HAUS6: variants seen among roughly 807,000 people sequenced by gnomAD.
HAUS6 encodes HAUS augmin like complex subunit 6, also known as HAUS augmin-like complex subunit 6.
HAUS6 carries 80 observed loss-of-function variants against 106.8 expected under a neutral mutation model. That is an observed-to-expected ratio of 0.75 (90% confidence interval 0.63 to 0.90). The LOEUF is 0.90. HAUS6 is among the 40% of genes least tolerant of loss of function. The pLI, the probability that HAUS6 is intolerant of heterozygous loss-of-function variation, is 0.00. For synonymous variants in HAUS6, 356 were observed against 379.1 expected (o/e 0.94, Z 0.71); for missense variants, 1,155 against 1,118.1 (o/e 1.03, Z -0.47).
intron 1 of HAUS6, among the ~76,000 whole-genome samples, chr9:19,101,576 G>T (rs556167080): frequency 6.7e-6 from 1 of 148,888 alleles, no homozygotes; most frequent in East Asian, 2.0e-4. Flanking sequence ...CAGGAATTTT[G>T]AGACCAGCCT....
Position 19,096,710 on chromosome 9 carries a change from TG to T in HAUS6, c.187del (p.Gln63LysfsTer35). ...AFHIISYFLF[Q>X]VLDQSLTKEV... ...TTTGGTGAGAGACTGGTCCAGAACT[TG>T]AAACAAAAAATAAGAAATTATATGA... On this transcript the variant is annotated frameshift_variant, in exon 2 of 17. Transcript: ENST00000380502. LOFTEE classifies it high-confidence loss of function. 6.4e-7 allele frequency: 1 copy of T among 1,556,286 alleles called. No homozygotes were observed. The highest frequency in any genetic ancestry group is 8.7e-7 in the Non-Finnish European group (1 of 1,144,518).
chr9:19,096,441 T>C (rs182882929), intron 2 of HAUS6, among the ~76,000 whole-genome samples: 1 of 151,998 alleles, frequency 6.6e-6, no homozygotes, highest in East Asian at 1.9e-4. Context: ...GGCAGTCACC[T>C]ATAATCCCAG....
intron 16 of HAUS6, chr9:19,057,634 G>A: frequency 3.0e-6 from 1 of 338,714 alleles, no homozygotes; most frequent in Non-Finnish European, 5.3e-6. Context: ...TTAAAATTGG[G>A]TTTCTCAAGT....
rs1817838931 is a variant in HAUS6 at position 19,095,310 on chromosome 9, T to C, written c.225-915A>G. Among the ~76,000 whole-genome samples, 4 of 152,290 alleles carry C rather than the reference T, an allele frequency of 2.6e-5. No individual in the cohort carries two copies. The South Asian group carries it at 8.3e-4, about 32-fold the overall frequency. On this transcript the variant is annotated intron_variant, in intron 2 of 16. Transcript: ENST00000380502. ...CCAAATTTTTATTCTGAGGCATAAT[T>C]ATTTAAGGCCTCATACCTTTTCTAT...
At chr9:19,082,061 G>C (rs1438315043) in intron 8 of HAUS6, among the ~76,000 whole-genome samples, 2 of 152,146 alleles carry the variant, frequency 1.3e-5, no homozygotes, top group Non-Finnish European at 2.9e-5. Context: ...GATGGAGTTT[G>C]GGTTGATGAG....
At chr9:19,102,005 G>C (rs1245990226) in intron 1 of HAUS6, among the ~76,000 whole-genome samples, 2 of 152,136 alleles carry the variant, frequency 1.3e-5, no homozygotes, top group African/African-American at 4.8e-5. Flanking sequence ...GGAAAAAGTA[G>C]GGAAGGGGCT....
chr9:19,082,787 T>C (rs1178384613), intron 8 of HAUS6, 86 bp downstream of exon 8: 20 of 731,798 alleles, frequency 2.7e-5, no homozygotes, highest in Non-Finnish European at 3.9e-5. Context: ...AAAAAACAAA[T>C]TCTGAAAGCA....
chr9:19,095,060 G>A (rs1817831971), intron 2 of HAUS6, among the ~76,000 whole-genome samples: 1 of 151,696 alleles, frequency 6.6e-6, no homozygotes, highest in Admixed American at 6.6e-5. Context: ...AAAAGAAATA[G>A]TAATCTTGCC....
intron 1 of HAUS6, among the ~76,000 whole-genome samples, chr9:19,098,171 C>G (rs745875966): frequency 3.9e-5 from 6 of 152,216 alleles, no homozygotes; most frequent in African/African-American, 1.4e-4. Context: ...TCGGGTGCAG[C>G]GGCTCACACC....
intron 1 of HAUS6, among the ~76,000 whole-genome samples, chr9:19,100,708 TG>T (rs1488648138): frequency 6.6e-6 from 1 of 152,134 alleles, no homozygotes; most frequent in Non-Finnish European, 1.5e-5. Context: ...AACAGATGAA[TG>T]GATAAAGAAA....
At chr9:19,096,251 ACAGT>A (rs1817858538) in intron 2 of HAUS6, among the ~76,000 whole-genome samples, 1 of 152,180 alleles carries the variant, frequency 6.6e-6, no homozygotes, top group Non-Finnish European at 1.5e-5. Flanking sequence ...ATTCAAAACA[ACAGT>A]CAAAGGCCAA....
chr9:19,101,549 G>A (rs1817987246), intron 1 of HAUS6, among the ~76,000 whole-genome samples: 1 of 152,118 alleles, frequency 6.6e-6, no homozygotes, highest in Non-Finnish European at 1.5e-5. Context: ...GACCGAAGCA[G>A]GAGGATTGCT....
chr9:19,062,396 T>C (rs1836644184), intron 14 of HAUS6, among the ~76,000 whole-genome samples: 1 of 152,220 alleles, frequency 6.6e-6, no homozygotes, highest in South Asian at 2.1e-4. Flanking sequence ...TATCTAACCA[T>C]GTAATGGTTA....
rs558093369 is a variant in HAUS6, at chr9:19,070,240, G to T, written c.1355C>A (p.Ala452Glu). ...GCRGDSDTLG[A>E]LHDLANSPAS... is the part of the protein sequence containing the mutation. ...TTACCTGTTGGCTAGATCATGTAGCGCTCCCAAGGTATCACTGTCTCCTCT... is the reference window on the plus strand; with the variant it reads ...TTACCTGTTGGCTAGATCATGTAGCTCTCCCAAGGTATCACTGTCTCCTCT... The change falls in exon 12 of 17, where the codon GCG becomes GAG. Residue 452 changes from alanine (A) to glutamate (E), a missense_variant. Coordinates refer to ENST00000380502, the MANE Select transcript of HAUS6 (RefSeq NM_017645.5). 6.9e-6 allele frequency: 11 copies of T among 1,586,664 alleles called. No homozygotes were observed. Among genetic ancestry groups the T allele is most frequent in the South Asian group, 1.1e-5 (1 of 90,360 alleles).
intron 14 of HAUS6, among the ~76,000 whole-genome samples, chr9:19,061,245 G>C (rs563947872): frequency 7.9e-5 from 12 of 152,254 alleles, no homozygotes; most frequent in African/African-American, 2.4e-4. Flanking sequence ...CAAGAAAACA[G>C]AGTGCTTCTG....
intron 8 of HAUS6, among the ~76,000 whole-genome samples, chr9:19,082,061 G>A (rs1438315043): frequency 6.6e-6 from 1 of 152,146 alleles, no homozygotes; most frequent in Admixed American, 6.6e-5. Context: ...GATGGAGTTT[G>A]GGTTGATGAG....
chr9:19,096,378 A>T (rs1443206620), intron 2 of HAUS6, among the ~76,000 whole-genome samples: 1 of 152,050 alleles, frequency 6.6e-6, no homozygotes, highest in Non-Finnish European at 1.5e-5. Flanking sequence ...CAGCCTGACC[A>T]ACAGGGTGAA....
intron 11 of HAUS6, among the ~76,000 whole-genome samples, chr9:19,072,146 T>G (rs1172087052): frequency 6.0e-5 from 9 of 150,612 alleles, no homozygotes; most frequent in African/African-American, 2.2e-4. Context: ...GTGGAAATCA[T>G]GCCATTGCAC....
At chr9:19,081,319 T>A (rs1837144416) in intron 8 of HAUS6, among the ~76,000 whole-genome samples, 1 of 152,200 alleles carries the variant, frequency 6.6e-6, no homozygotes, top group South Asian at 2.1e-4. Flanking sequence ...AAATTCATTT[T>A]TTAACAGAAG....
Sources: gnomAD v4.1 joint callset for allele counts (sites outside exome capture counted in the v4.1 genomes callset) on GRCh38, gnomAD v4.1.1 for gene constraint, MANE v1.5 for transcripts, NCBI Gene and HGNC (gene_info 2026-07-23, HGNC 2026-07-21) for gene names.